Variants in MAK observed in about 807,000 individuals in gnomAD.
The protein encoded by MAK is serine/threonine-protein kinase MAK.
Under a neutral mutation model 82.6 loss-of-function variants are expected in MAK, and 65 were observed. That is an observed-to-expected ratio of 0.79 (90% CI 0.64 to 0.97). The LOEUF (loss-of-function observed/expected upper bound fraction) is 0.97. Ranked by LOEUF, MAK falls within the 50% of genes least tolerant of loss-of-function variation. MAK has a pLI of 0.00. For missense variants in MAK, 703 were observed against 780.2 expected (o/e 0.90, Z 1.18); for synonymous variants, 250 against 274.2 (o/e 0.91, Z 0.87).
At chr6:10,783,882 G>A (rs1044657140) in intron 11 of MAK, among the ~76,000 whole-genome samples, 1 of 152,132 alleles carries the variant, frequency 6.6e-6, no homozygotes, top group African/African-American at 2.4e-5. Flanking sequence ...AGCCAGGCGT[G>A]GTGGCTCGCA....
intron 11 of MAK, among the ~76,000 whole-genome samples, chr6:10,779,873 G>A (rs1773809300): frequency 6.6e-6 from 1 of 152,090 alleles, no homozygotes; most frequent in Admixed American, 6.6e-5. Flanking sequence ...TTTTAGTAGA[G>A]ACGGGGTTTC....
intron 14 of MAK, among the ~76,000 whole-genome samples, chr6:10,765,855 T>C (rs1273210258): frequency 6.6e-6 from 1 of 152,196 alleles, no homozygotes; most frequent in African/African-American, 2.4e-5. Flanking sequence ...GATCCTAAAC[T>C]TTTAACCACA....
At chr6:10,802,767 TAA>T (rs1211792215) in intron 7 of MAK, among the ~76,000 whole-genome samples, 2 of 152,202 alleles carry the variant, frequency 1.3e-5, no homozygotes, top group East Asian at 3.8e-4. Context: ...CATACAATGT[TAA>T]AAATGCACAT....
chr6:10,828,803 A>AG (rs1491429203), intron 2 of MAK, among the ~76,000 whole-genome samples: 2 of 151,286 alleles, frequency 1.3e-5, no homozygotes, highest in African/African-American at 4.8e-5. Flanking sequence ...TTGAAAAAAA[A>AG]GAGGGGGGAA....
intron 12 of MAK, among the ~76,000 whole-genome samples, chr6:10,773,467 A>G (rs1009074320): frequency 6.6e-6 from 1 of 152,206 alleles, no homozygotes; most frequent in Non-Finnish European, 1.5e-5. Flanking sequence ...AAAAGCCCAA[A>G]TATATTGATG....
At chr6:10,784,001 A>G (rs1426897279) in intron 11 of MAK, among the ~76,000 whole-genome samples, 1 of 152,218 alleles carries the variant, frequency 6.6e-6, no homozygotes, top group African/African-American at 2.4e-5. Flanking sequence ...CCTGGGCGAC[A>G]GAGCGAGAAT....
At chr6:10,766,836 C>A (rs559443559) in intron 14 of MAK, among the ~76,000 whole-genome samples, 1 of 152,300 alleles carries the variant, frequency 6.6e-6, no homozygotes, top group African/African-American at 2.4e-5. Flanking sequence ...TTTTCCAGGT[C>A]ATGATATCAC....
chr6:10,763,044 A>G lies in MAK; in HGVS notation c.*1408T>C, dbSNP rs1772093427. 2 of 152,672 alleles carry G rather than the reference A, an allele frequency of 1.3e-5. No homozygotes were observed. The highest frequency in any genetic ancestry group is 4.1e-4 in the South Asian group (2 of 4,834). 9.5% of individuals were successfully genotyped at this position (152,672 alleles called of 1,614,324 possible). On this transcript the variant is annotated 3_prime_UTR_variant, in exon 15 of 15. Transcript: ENST00000354489. ...GTAACATTATTATTCTTTAAAAAGAATTTACAGTACTAAGGTCCAGTCCAG... is the reference window on the plus strand; with the variant it reads ...GTAACATTATTATTCTTTAAAAAGAGTTTACAGTACTAAGGTCCAGTCCAG...
chr6:10,789,377 T>G (rs1362586926), intron 10 of MAK, among the ~76,000 whole-genome samples: 3 of 152,126 alleles, frequency 2.0e-5, no homozygotes, highest in Non-Finnish European at 4.4e-5. Flanking sequence ...GCCTGGTGCT[T>G]CAGTGTTTCC....
intron 6 of MAK, among the ~76,000 whole-genome samples, chr6:10,807,093 C>T (rs1024013735): frequency 6.6e-6 from 1 of 152,050 alleles, no homozygotes; most frequent in Non-Finnish European, 1.5e-5. Context: ...GCCCTTGTTT[C>T]CTACGACTGC....
chr6:10,777,025 G>A (rs1245556420), intron 11 of MAK, among the ~76,000 whole-genome samples: 1 of 151,270 alleles, frequency 6.6e-6, no homozygotes, highest in African/African-American at 2.4e-5. Context: ...TCTAGCCTGG[G>A]CAACAGAGTG....
chr6:10,781,226 C>A (rs1463334299), intron 11 of MAK, among the ~76,000 whole-genome samples: 1 of 152,120 alleles, frequency 6.6e-6, no homozygotes, highest in Non-Finnish European at 1.5e-5. Flanking sequence ...GAAATATGGG[C>A]AGATTTCTCA....
intron 9 of MAK, among the ~76,000 whole-genome samples, chr6:10,792,849 C>T (rs763791161): frequency 6.6e-6 from 1 of 152,102 alleles, no homozygotes; most frequent in Non-Finnish European, 1.5e-5. Flanking sequence ...CTGCCAGGCA[C>T]AACAATCTCC....
chr6:10,799,042 G>T (rs1255068003), intron 8 of MAK, among the ~76,000 whole-genome samples: 7 of 152,014 alleles, frequency 4.6e-5, no homozygotes. Context: ...CGTTGGCCAG[G>T]CTGATCTCAA....
chr6:10,813,140 T>A lies in MAK; in HGVS notation c.358+504A>T, dbSNP rs1422662098. Among the ~76,000 whole-genome samples the A allele has an allele frequency of 4.8e-3, 93 of 19,478 alleles. 3 individuals carry two copies. Among genetic ancestry groups the A allele is most frequent in the African/African-American group, 0.041 (79 of 1,934 alleles). 12.8% of individuals were successfully genotyped at this position (19,478 alleles called of 152,430 possible). A position where few individuals can be genotyped will look rare whatever the true frequency, so the allele number is the denominator to read the frequency against. On this transcript the variant is annotated intron_variant, in intron 5 of 14. Transcript: ENST00000354489. ...TATATATATATATATATATAAATTT[T>A]TTTTTTTTTTTTTTTTTTTTTTTTT...
chr6:10,772,629 C>T (rs1252755487), intron 13 of MAK, among the ~76,000 whole-genome samples: 1 of 151,900 alleles, frequency 6.6e-6, no homozygotes, highest in Non-Finnish European at 1.5e-5. Flanking sequence ...AGGTGTGAGC[C>T]ACCGCGCCCA....
intron 10 of MAK, among the ~76,000 whole-genome samples, chr6:10,787,041 G>A (rs1056072023): frequency 3.6e-4 from 47 of 129,878 alleles, no homozygotes; most frequent in African/African-American, 1.4e-3. Flanking sequence ...TCACCACTCC[G>A]CTAATGCACC....
In MAK at chr6:10,833,093, T is replaced by C. The variant is rs573958924; in HGVS notation, c.-229-2216A>G. 1.9e-4 allele frequency among the ~76,000 whole-genome samples: 29 copies of C among 152,284 alleles called. No homozygotes were observed. The South Asian group carries it at 2.7e-3, about 14-fold the overall frequency. On this transcript the variant is annotated intron_variant, in intron 1 of 14. Coordinates refer to ENST00000354489, the MANE Select transcript of MAK (RefSeq NM_001242957.3). ...AGCACTTTCATTTAAATCATAGAAA[T>C]TGCTCCTCTATTATTTGCAGGAATT...
In MAK at chr6:10,830,124, C is replaced by CGTGTGTGTGT. The variant is rs35519970; in HGVS notation, c.101+414_101+423dup. On this transcript the variant is annotated intron_variant, in intron 2 of 14. Coordinates refer to ENST00000354489, the MANE Select transcript of MAK (RefSeq NM_001242957.3). ...AGCCACCGCACACAGCCTGTGTGCA[C>CGTGTGTGTGT]GTGTGTGTGTGTGTGTGTGTGTGTG... Among the ~76,000 whole-genome samples the CGTGTGTGTGT allele has an allele frequency of 2.4e-3, 334 of 141,588 alleles. 1 individual carries two copies. Among genetic ancestry groups the CGTGTGTGTGT allele is most frequent in the Non-Finnish European group, 3.0e-3 (198 of 65,534 alleles). The allele number at this position is 141,588 out of a possible 152,430, so 92.9% of individuals were successfully genotyped here.
Sources: gnomAD v4.1 joint callset for allele counts (sites outside exome capture counted in the v4.1 genomes callset) on GRCh38, gnomAD v4.1.1 for gene constraint, MANE v1.5 for transcripts, NCBI Gene and HGNC (gene_info 2026-07-23, HGNC 2026-07-21) for gene names.